ROBO2: variants seen among roughly 807,000 people sequenced by gnomAD.
The protein encoded by ROBO2 is roundabout homolog 2.
ROBO2 carries 53 observed loss-of-function variants against 160.8 expected under a neutral mutation model. The ratio of observed to expected loss-of-function variants is 0.33; its 90% confidence interval spans 0.26 to 0.41. The LOEUF is 0.41. Among genes scored for constraint, ROBO2 ranks in the 10% least tolerant of loss-of-function variants. The probability of loss-of-function intolerance (pLI) is 1.00; values close to 1 mark genes in which losing one functional copy is unlikely to be tolerated. For synonymous variants in ROBO2, 664 were observed against 611.7 expected (o/e 1.09, Z -1.26); for missense variants, 1,577 against 1,722.4 (o/e 0.92, Z 1.49).
intron 2 of ROBO2, among the ~76,000 whole-genome samples, chr3:76,288,159 C>T (rs1327541456): frequency 2.3e-5 from 3 of 128,682 alleles, no homozygotes; most frequent in Non-Finnish European, 4.6e-5. Context: ...TATTTAAAAA[C>T]TAAACTAGTC....
chr3:76,226,043 C>G (rs1389627539), intron 2 of ROBO2, among the ~76,000 whole-genome samples: 1 of 152,050 alleles, frequency 6.6e-6, no homozygotes, highest in African/African-American at 2.4e-5. Flanking sequence ...ATTTAGGCCT[C>G]TAAAATAAAT....
At chr3:77,540,134 A>G (rs1038575191) in intron 6 of ROBO2, among the ~76,000 whole-genome samples, 40 of 152,216 alleles carry the variant, frequency 2.6e-4, no homozygotes, top group Non-Finnish European at 1.5e-5. Flanking sequence ...AGGTTTATGA[A>G]TAAAGAGTGA....
At position 76,426,332 on chromosome 3, in the gene ROBO2, G is replaced by T. The variant is rs189704178; in HGVS notation, c.109+488730G>T. On this transcript the variant is annotated intron_variant, in intron 2 of 26. Transcript: ENST00000487694. ...TATAAAGTATATTCACAATTAAGGA[G>T]TCACAAGAGTAGCAAGCAAAGGAAA... Among the ~76,000 whole-genome samples, 107 of 152,158 alleles carry T rather than the reference G, an allele frequency of 7.0e-4. 1 individual carries two copies. The highest frequency in any genetic ancestry group is 3.4e-4 in the Non-Finnish European group (23 of 68,010).
intron 2 of ROBO2, among the ~76,000 whole-genome samples, chr3:76,747,137 A>G (rs2108152214): frequency 6.6e-6 from 1 of 152,174 alleles, no homozygotes; most frequent in South Asian, 2.1e-4. Context: ...CTTTGTAATA[A>G]AAAATACTCA....
chr3:76,955,533 T>G (rs988610540), intron 2 of ROBO2, among the ~76,000 whole-genome samples: 4 of 152,188 alleles, frequency 2.6e-5, no homozygotes, highest in African/African-American at 9.6e-5. Context: ...GTGTTCTTTA[T>G]TATAGCCATC....
chr3:77,170,241 T>C (rs2079505899), intron 2 of ROBO2, among the ~76,000 whole-genome samples: 1 of 152,188 alleles, frequency 6.6e-6, no homozygotes, highest in Non-Finnish European at 1.5e-5. Flanking sequence ...AGGTAGGTTT[T>C]TAATTATGCC....
intron 2 of ROBO2, among the ~76,000 whole-genome samples, chr3:76,728,065 C>G (rs574905994): frequency 6.6e-6 from 1 of 151,132 alleles, no homozygotes; most frequent in Non-Finnish European, 1.5e-5. Context: ...GAAAAAACAC[C>G]GAGAAATGAA....
intron 2 of ROBO2, among the ~76,000 whole-genome samples, chr3:76,100,523 CAT>C (rs2069641369): frequency 6.6e-6 from 1 of 152,046 alleles, no homozygotes; most frequent in Non-Finnish European, 1.5e-5. Context: ...TAAAAAGTAT[CAT>C]ATTGAATAGA....
intron 2 of ROBO2, among the ~76,000 whole-genome samples, chr3:77,466,126 A>G (rs1325152322): frequency 6.6e-6 from 1 of 152,128 alleles, no homozygotes; most frequent in Non-Finnish European, 1.5e-5. Flanking sequence ...GCTATTTTTA[A>G]TCAGTGAATT....
intron 2 of ROBO2, among the ~76,000 whole-genome samples, chr3:76,350,660 A>G (rs1389496047): frequency 6.6e-6 from 1 of 152,158 alleles, no homozygotes. Flanking sequence ...AGCATTAATT[A>G]CTTTAATGGG....
chr3:77,300,330 C>T (rs2062546566), intron 2 of ROBO2, among the ~76,000 whole-genome samples: 1 of 151,840 alleles, frequency 6.6e-6, no homozygotes, highest in African/African-American at 2.4e-5. Context: ...AGCAGCTACT[C>T]AGAATTGAAA....
chr3:76,469,924 A>G (rs1390307088), intron 2 of ROBO2, among the ~76,000 whole-genome samples: 1 of 152,162 alleles, frequency 6.6e-6, no homozygotes, highest in Non-Finnish European at 1.5e-5. Flanking sequence ...AGGATTCAAT[A>G]CACATCTGAT....
At chr3:76,557,408 G>C (rs1004454236) in intron 2 of ROBO2, among the ~76,000 whole-genome samples, 2 of 151,412 alleles carry the variant, frequency 1.3e-5, no homozygotes, top group South Asian at 4.2e-4. Context: ...AAATTAGTAC[G>C]GTAAGGTTTT....
At chr3:77,472,475 C>T (rs927956782) in intron 2 of ROBO2, among the ~76,000 whole-genome samples, 5 of 152,108 alleles carry the variant, frequency 3.3e-5, no homozygotes, top group African/African-American at 1.2e-4. Context: ...AAAATAATTT[C>T]CTAAGTCATG....
At chr3:76,509,677 A>T (rs2080980191) in intron 2 of ROBO2, among the ~76,000 whole-genome samples, 1 of 152,176 alleles carries the variant, frequency 6.6e-6, no homozygotes, top group East Asian at 1.9e-4. Context: ...CGCTCCACGA[A>T]GCTGTGAGTG....
intron 2 of ROBO2, among the ~76,000 whole-genome samples, chr3:76,115,495 A>T (rs2108260949): frequency 6.6e-6 from 1 of 152,258 alleles, no homozygotes; most frequent in African/African-American, 2.4e-5. Flanking sequence ...TGGGAAATCC[A>T]TGCTTTCATC....
chr3:77,206,415 G>C (rs2083452443), intron 2 of ROBO2, among the ~76,000 whole-genome samples: 1 of 151,992 alleles, frequency 6.6e-6, no homozygotes, highest in South Asian at 2.1e-4. Flanking sequence ...TGATCCGCCT[G>C]CTGTGGCCTC....
intron 2 of ROBO2, among the ~76,000 whole-genome samples, chr3:76,743,086 C>T (rs970351164): frequency 3.3e-5 from 5 of 152,072 alleles, no homozygotes; most frequent in East Asian, 3.9e-4. Context: ...GGCACCATAT[C>T]GCAGGTTATG....
At chr3:76,811,787 T>TTCCC (rs1449589133) in intron 2 of ROBO2, among the ~76,000 whole-genome samples, 1 of 41,208 alleles carries the variant, frequency 2.4e-5, no homozygotes, top group East Asian at 5.3e-4. Flanking sequence ...CCTTCCTTCC[T>TTCCC]TCCTTCCTTC....
Sources: allele counts gnomAD v4.1 joint callset (sites outside exome capture counted in the v4.1 genomes callset), GRCh38; gene constraint gnomAD v4.1.1; transcripts MANE v1.5; gene names NCBI Gene and HGNC (gene_info 2026-07-23, HGNC 2026-07-21).